Variants in GRIK4 observed in about 807,000 individuals in gnomAD.
GRIK4 encodes glutamate receptor ionotropic, kainate 4.
In GRIK4, 40 loss-of-function variants were observed where a neutral mutation model predicts 104.9. The observed-to-expected ratio is 0.38, with a 90% CI of 0.30 to 0.50. The LOEUF (loss-of-function observed/expected upper bound fraction) is 0.50. Ranked by LOEUF, GRIK4 falls within the 20% of genes least tolerant of loss-of-function variation. GRIK4 has a pLI of 0.93. For missense variants in GRIK4, 1,047 were observed against 1,308.1 expected, an observed-to-expected ratio of 0.80 and a Z score of 3.08; for synonymous variants, 485 against 524.9, an observed-to-expected ratio of 0.92 and a Z score of 1.04.
At chr11:120,670,804 C>T (rs1950003614) in intron 3 of GRIK4, among the ~76,000 whole-genome samples, 3 of 150,622 alleles carry the variant, frequency 2.0e-5, no homozygotes, top group Non-Finnish European at 4.4e-5. Flanking sequence ...TTGCTGCACC[C>T]ATCAATCCGC....
chr11:120,637,402 T>C (rs1410105105), intron 1 of GRIK4, among the ~76,000 whole-genome samples: 1 of 152,068 alleles, frequency 6.6e-6, no homozygotes, highest in Non-Finnish European at 1.5e-5. Context: ...GCAGAGTGAG[T>C]GGCTTTCTGG....
At chr11:120,512,878 C>T (rs1194167089) in intron 1 of GRIK4, among the ~76,000 whole-genome samples, 1 of 151,786 alleles carries the variant, frequency 6.6e-6, no homozygotes, top group Admixed American at 6.6e-5. Context: ...GTGGAGGAGG[C>T]GGCCGAGGGG....
intron 8 of GRIK4, among the ~76,000 whole-genome samples, chr11:120,854,660 C>A (rs1269529583): frequency 2.0e-5 from 3 of 152,184 alleles, no homozygotes; most frequent in Admixed American, 2.0e-4. Context: ...ATGAAACATG[C>A]ATTCCTTGAG....
chr11:120,985,304 G>C (rs1944723242), intron 20 of GRIK4, among the ~76,000 whole-genome samples: 1 of 152,166 alleles, frequency 6.6e-6, no homozygotes. Flanking sequence ...TTGAATTCAA[G>C]TCTGCCCCAG....
intron 14 of GRIK4, among the ~76,000 whole-genome samples, chr11:120,943,140 A>ACACACACG: frequency 8.2e-6 from 1 of 121,808 alleles, no homozygotes; most frequent in Non-Finnish European, 1.6e-5. Context: ...ACACACACAC[A>ACACACACG]CACACACACA....
At chr11:120,672,589 T>G (rs894082418) in intron 3 of GRIK4, among the ~76,000 whole-genome samples, 7 of 152,214 alleles carry the variant, frequency 4.6e-5, no homozygotes, top group African/African-American at 1.7e-4. Context: ...TCCGTTTGTG[T>G]CCTCTCTTAT....
intron 13 of GRIK4, among the ~76,000 whole-genome samples, chr11:120,930,004 G>GAA (rs1555096695): frequency 3.6e-4 from 53 of 145,808 alleles, no homozygotes; most frequent in African/African-American, 1.1e-3. Context: ...GCCACGTTTG[G>GAA]GGGGGGGGTC....
At chr11:120,701,137 C>A (rs976206068) in intron 3 of GRIK4, among the ~76,000 whole-genome samples, 1 of 152,108 alleles carries the variant, frequency 6.6e-6, no homozygotes, top group African/African-American at 2.4e-5. Context: ...TTTCTCAGAC[C>A]GTATCCCATT....
intron 19 of GRIK4, among the ~76,000 whole-genome samples, chr11:120,973,068 A>AT (rs1944502576): frequency 6.6e-6 from 1 of 152,198 alleles, no homozygotes; most frequent in Admixed American, 6.5e-5. Context: ...AGAAGAGGGA[A>AT]TGGAGAAGAC....
chr11:120,819,602 G>T lies in GRIK4; in HGVS notation c.346-153G>T, dbSNP rs956213276. ...TCATCGCTCGTCTTCCTCCCACGGA[G>T]TGGGTGCCCTGGGAGCTCCTTCTCC... On this transcript the variant is annotated intron_variant, in intron 5 of 20. Coordinates refer to ENST00000527524, the MANE Select transcript of GRIK4 (RefSeq NM_014619.5). This position sits in a 1 kb window ranked among gnomAD's most constrained non-coding sequence, Gnocchi z 4.3. Among the ~76,000 whole-genome samples the T allele has an allele frequency of 3.3e-5, 5 of 152,212 alleles. No homozygotes were observed. The highest frequency in any genetic ancestry group is 5.9e-5 in the Non-Finnish European group (4 of 68,038).
At chr11:120,785,299 C>T (rs17124355) in intron 3 of GRIK4, among the ~76,000 whole-genome samples, 2,590 of 152,306 alleles carry the variant, frequency 0.017, 66 homozygotes, top group African/African-American at 0.055. Flanking sequence ...TAGCTGGGGG[C>T]TCTCCATGAC....
In GRIK4 at chr11:120,524,955, C is replaced by G. The variant is rs1199416865; in HGVS notation, c.-159+13068C>G. Among the ~76,000 whole-genome samples the G allele has an allele frequency of 6.6e-6, 1 of 152,182 alleles. No homozygotes were observed. ...CCTAGTCCACCTTCCGTCTTCTTGGCTTCTGGAGCCCATCAGGGGCTGCAC... is the reference window on the plus strand; with the variant it reads ...CCTAGTCCACCTTCCGTCTTCTTGGGTTCTGGAGCCCATCAGGGGCTGCAC... On this transcript the variant is annotated intron_variant, in intron 1 of 20. Coordinates refer to ENST00000527524, the MANE Select transcript of GRIK4 (RefSeq NM_014619.5). The surrounding 1 kb of genome is among the most constrained non-coding windows in gnomAD (Gnocchi z 4.5).
At chr11:120,947,311 A>G (rs1181995557) in intron 14 of GRIK4, among the ~76,000 whole-genome samples, 2 of 151,946 alleles carry the variant, frequency 1.3e-5, no homozygotes, top group Non-Finnish European at 2.9e-5. Flanking sequence ...CTGAGACAGG[A>G]GAATCATTTG....
At chr11:120,589,030 T>C (rs1162544431) in intron 1 of GRIK4, among the ~76,000 whole-genome samples, 1 of 152,186 alleles carries the variant, frequency 6.6e-6, no homozygotes, top group Non-Finnish European at 1.5e-5. Flanking sequence ...GCAGAGAGGC[T>C]GTGGTATCAG....
chr11:120,806,640 C>T (rs1165596269), intron 4 of GRIK4, among the ~76,000 whole-genome samples: 1 of 152,236 alleles, frequency 6.6e-6, no homozygotes, highest in Admixed American at 6.5e-5. Flanking sequence ...AGCACTCCAA[C>T]AGGGCACAGT....
chr11:120,975,929 G>A (rs1944554521), intron 19 of GRIK4, among the ~76,000 whole-genome samples: 1 of 152,170 alleles, frequency 6.6e-6, no homozygotes, highest in South Asian at 2.1e-4. Context: ...GGTAAGAGTA[G>A]TGCCCATTTC....
chr11:120,863,553 A>G (rs1245594449), intron 9 of GRIK4, among the ~76,000 whole-genome samples: 1 of 152,278 alleles, frequency 6.6e-6, no homozygotes, highest in Non-Finnish European at 1.5e-5. Flanking sequence ...TGAGTGAGTC[A>G]GGCGGAATGA....
At chr11:120,593,181 CA>C (rs563165078) in intron 1 of GRIK4, among the ~76,000 whole-genome samples, 3,111 of 102,206 alleles carry the variant, frequency 0.03, 88 homozygotes, top group African/African-American at 0.1. Context: ...GACTCTGTCT[CA>C]AAAAAAAAAA....
intron 1 of GRIK4, among the ~76,000 whole-genome samples, chr11:120,567,583 A>G (rs1043716473): frequency 6.6e-6 from 1 of 152,252 alleles, no homozygotes; most frequent in Non-Finnish European, 1.5e-5. Flanking sequence ...ACACATGGAC[A>G]TGTGACTGAA....
Sources: gnomAD v4.1 joint callset for allele counts (sites outside exome capture counted in the v4.1 genomes callset) on GRCh38, gnomAD v4.1.1 for gene constraint, Gnocchi (gnomAD v3.1) non-coding constraint, MANE v1.5 for transcripts, NCBI Gene and HGNC (gene_info 2026-07-23, HGNC 2026-07-21) for gene names.